Variants in CCN5 observed in about 807,000 individuals in gnomAD.
CCN5 encodes the protein CCN family member 5.
CCN5 carries 17 observed loss-of-function variants against 18.7 expected under a neutral mutation model. That is an observed-to-expected ratio of 0.91 (90% CI 0.62 to 1.36). The LOEUF is 1.36. CCN5 is among the 40% of genes most tolerant of loss of function. CCN5 has a pLI of 0.00. For missense variants in CCN5, 367 were observed against 342.9 expected, an observed-to-expected ratio of 1.07 and a Z score of -0.56; for synonymous variants, 135 against 145.2, an observed-to-expected ratio of 0.93 and a Z score of 0.50.
intron 2 of CCN5, 117 bp from the exon 3 acceptor site, chr20:44,724,621 G>T: frequency 6.7e-7 from 1 of 1,502,122 alleles, no homozygotes; most frequent in Non-Finnish European, 8.9e-7. Context: ...CTGGAGCCCT[G>T]GGCAGGGCCC....
At chr20:44,717,142 C>T (rs2065864974) in intron 1 of CCN5, among the ~76,000 whole-genome samples, 1 of 151,798 alleles carries the variant, frequency 6.6e-6, no homozygotes, top group Non-Finnish European at 1.5e-5. Context: ...GATGTCAATC[C>T]TGATTCTGTC....
At chr20:44,715,280 C>T (rs5016752), upstream of CCN5, 2,760 of 773,022 alleles carry the variant, frequency 3.6e-3, 83 homozygotes, top group African/African-American at 0.048. Flanking sequence ...CGCGCGCGCG[C>T]GTGTGTACTC....
intron 3 of CCN5, among the ~76,000 whole-genome samples, chr20:44,725,299 ATGG>A (rs1255240770): frequency 7.9e-5 from 12 of 152,114 alleles, no homozygotes; most frequent in Admixed American, 1.3e-4. Context: ...TTAGCCTAGC[ATGG>A]TGGCGGGCAT....
intron 3 of CCN5, among the ~76,000 whole-genome samples, chr20:44,725,816 C>A (rs1031180254): frequency 6.6e-6 from 1 of 152,014 alleles, no homozygotes. Flanking sequence ...AAGACAGTTA[C>A]CTCCCACCGT....
chr20:44,720,665 G>A (rs2065892982), intron 2 of CCN5: 1 of 157,446 alleles, frequency 6.4e-6, no homozygotes, highest in African/African-American at 2.4e-5. Context: ...GATCCAACGG[G>A]CTCTAAGGAA....
At chr20:44,722,799 C>T (rs940703914) in intron 2 of CCN5, among the ~76,000 whole-genome samples, 1 of 152,124 alleles carries the variant, frequency 6.6e-6, no homozygotes, top group East Asian at 1.9e-4. Flanking sequence ...TCTCACCTCC[C>T]ACATACCACC....
At position 44,724,991 on chromosome 20, in the gene CCN5, A is replaced by G. The variant is rs1281198534; in HGVS notation, c.531A>G (p.Gln177=). 3 of 1,574,554 alleles carry G rather than the reference A, an allele frequency of 1.9e-6. No homozygotes were observed. The highest frequency in any genetic ancestry group is 2.6e-6 in the Non-Finnish European group (3 of 1,161,582). ...GGLGTQPLPA[Q]GPQFSGLVSS... ...TGGGGACCCAGCCCCTTCCAGCCCA[A>G]GGTGAGCGCAGCGGTGGTCCAGGTC... The change falls in exon 3 of 4, where the codon CAA becomes CAG. Residue 177 remains glutamine (Q), a splice_region_variant and synonymous_variant. Transcript: ENST00000190983.
chr20:44,715,856 C>T (rs2065856431), intron 1 of CCN5, among the ~76,000 whole-genome samples: 1 of 152,142 alleles, frequency 6.6e-6, no homozygotes, highest in African/African-American at 2.4e-5. Flanking sequence ...GGATGGATGC[C>T]TAGCTGATTG....
Position 44,715,419 on chromosome 20 carries a change from TG to T in CCN5, c.31del (p.Ala11ProfsTer92). The T allele has an allele frequency of 1.2e-6, 2 of 1,602,872 alleles. No homozygotes were observed. The highest frequency in any genetic ancestry group is 1.7e-6 in the Non-Finnish European group (2 of 1,175,092). On this transcript the variant is annotated frameshift_variant, in exon 1 of 4. Coordinates refer to ENST00000190983, the MANE Select transcript of CCN5 (RefSeq NM_003881.4). LOFTEE classifies it high-confidence loss of function. ...AGAGGCACACCGAAGACCCACCTCC[TG>T]GCCTTCTCCCTCCTCTGCCTCCTCT... MRGTPKTHL[L>X]AFSLLCLLSK...
chr20:44,724,378 G>A (rs1305853871), intron 2 of CCN5: 9 of 286,836 alleles, frequency 3.1e-5, no homozygotes, highest in Admixed American at 2.1e-4. Flanking sequence ...TGATCATTAC[G>A]CCTATCATTC....
chr20:44,724,881 C>A lies in CCN5; in HGVS notation c.421C>A (p.Pro141Thr). 6.3e-7 allele frequency: 1 copy of A among 1,594,514 alleles called. No individual in the cohort carries two copies. The highest frequency in any genetic ancestry group is 8.5e-7 in the Non-Finnish European group (1 of 1,171,724). Residue 141 changes from proline to threonine, a missense_variant, in exon 3 of 4, where the codon CCC (proline) becomes ACC (threonine). By Grantham distance (38) the Pro-to-Thr change is conservative (BLOSUM62 -1). Coordinates refer to ENST00000190983, the MANE Select transcript of CCN5 (RefSeq NM_003881.4). ...VPLCSEDVRL[P>T]SWDCPHPRRV... is the part of the protein sequence containing the mutation. ...GCTGTGCAGCGAGGATGTGCGGCTG[C>A]CCAGCTGGGACTGCCCCCACCCCAG...
intron 2 of CCN5, among the ~76,000 whole-genome samples, chr20:44,722,068 G>A (rs989015262): frequency 2.0e-5 from 3 of 152,186 alleles, no homozygotes; most frequent in Non-Finnish European, 4.4e-5. Context: ...GCGTACTTGG[G>A]TCCCTGGTCC....
In CCN5 at chr20:44,727,553, T is replaced by C; in HGVS notation, c.*246T>C. 1.5e-6 allele frequency: 2 copies of C among 1,358,708 alleles called. No homozygotes were observed. Among genetic ancestry groups the C allele is most frequent in the Non-Finnish European group, 9.5e-7 (1 of 1,053,912 alleles). 84.2% of individuals were successfully genotyped at this position (1,358,708 alleles called of 1,614,324 possible). On this transcript the variant is annotated 3_prime_UTR_variant, in exon 4 of 4. Transcript: ENST00000190983. Reference sequence around the variant, plus strand: ...TCACTGCCTAGGAGGCTGGCCAAGGTGTCCAGGGTCCTCTAGCCCACTCCC... The same window carrying C: ...TCACTGCCTAGGAGGCTGGCCAAGGCGTCCAGGGTCCTCTAGCCCACTCCC...
At chr20:44,725,054 G>A (rs182184581) in intron 3 of CCN5, 62 bp downstream of exon 3, 33 of 1,453,690 alleles carry the variant, frequency 2.3e-5, no homozygotes, top group Non-Finnish European at 2.9e-5. Flanking sequence ...GGCCACCTAG[G>A]GGGTGGGGTG....
chr20:44,721,187 G>A (rs2065897110), intron 2 of CCN5: 1 of 151,928 alleles, frequency 6.6e-6, no homozygotes, highest in Non-Finnish European at 1.5e-5. Context: ...CATTGATAAT[G>A]AATTCATCTG....
rs2065946227 is a variant in CCN5, at chr20:44,727,643, GC to G, written c.*337del. 5.3e-6 allele frequency: 4 copies of G among 758,444 alleles called. No homozygotes were observed. Among genetic ancestry groups the G allele is most frequent in the Non-Finnish European group, 5.4e-6 (3 of 553,866 alleles). The allele number at this position is 758,444 out of a possible 1,614,324, so 47.0% of individuals were successfully genotyped here. A position where few individuals can be genotyped will look rare whatever the true frequency, so the allele number is the denominator to read the frequency against. ...GAGCTTTCTCTCCGACTTCCCCTGG[GC>G]AAGAGATGGGACAAGCAGTCCCTTA... On this transcript the variant is annotated 3_prime_UTR_variant, in exon 4 of 4. Transcript: ENST00000190983.
At chr20:44,723,061 GC>G (rs2145417534) in intron 2 of CCN5, among the ~76,000 whole-genome samples, 1 of 152,108 alleles carries the variant, frequency 6.6e-6, no homozygotes, top group South Asian at 2.1e-4. Flanking sequence ...CCCCACAGTG[GC>G]CTACAAGGCC....
intron 2 of CCN5, chr20:44,720,398 T>C (rs995711023): frequency 1.2e-5 from 6 of 485,606 alleles, no homozygotes; most frequent in Non-Finnish European, 2.2e-5. Flanking sequence ...GCTTCTCCCC[T>C]GAGAAGCCCC....
intron 3 of CCN5, among the ~76,000 whole-genome samples, chr20:44,726,539 A>G (rs1443438454): frequency 6.6e-6 from 1 of 152,126 alleles, no homozygotes; most frequent in East Asian, 1.9e-4. Flanking sequence ...GTGATCACCA[A>G]AACTGTCTCC....
Sources: allele counts gnomAD v4.1 joint callset (sites outside exome capture counted in the v4.1 genomes callset), GRCh38; gene constraint gnomAD v4.1.1; transcripts MANE v1.5; gene names NCBI Gene and HGNC (gene_info 2026-07-23, HGNC 2026-07-21).